The following PPARG variants were observed in gnomAD, a reference collection of about 807,000 sequenced individuals.
The protein encoded by PPARG is peroxisome proliferator-activated receptor gamma.
In PPARG, 17 loss-of-function variants were observed where a neutral mutation model predicts 39.2. The observed-to-expected ratio is 0.43, with a 90% CI of 0.30 to 0.65. The LOEUF is 0.65. PPARG is among the 30% of genes least tolerant of loss of function. PPARG has a pLI of 0.13. For missense variants in PPARG, 406 were observed against 585.9 expected, an observed-to-expected ratio of 0.69 and a Z score of 3.17; for synonymous variants, 223 against 215.7, an observed-to-expected ratio of 1.03 and a Z score of -0.30.
intron 2 of PPARG, among the ~76,000 whole-genome samples, chr3:12,322,215 G>A (rs909795175): frequency 6.6e-6 from 1 of 152,186 alleles, no homozygotes; most frequent in African/African-American, 2.4e-5. Flanking sequence ...TCACAGACTG[G>A]CTAGCGCTTT....
intron 2 of PPARG, among the ~76,000 whole-genome samples, chr3:12,312,928 G>A (rs1232412873): frequency 6.6e-6 from 1 of 152,082 alleles, no homozygotes; most frequent in Non-Finnish European, 1.5e-5. Flanking sequence ...AGTTATACCC[G>A]GCATTAAAAC....
intron 7 of PPARG, among the ~76,000 whole-genome samples, chr3:12,432,945 G>A (rs2051710397): frequency 6.6e-6 from 1 of 151,894 alleles, no homozygotes; most frequent in Non-Finnish European, 1.5e-5. Flanking sequence ...CTGCTTAAAA[G>A]TAATTTAAGT....
chr3:12,327,341 C>T (rs2047723617), intron 2 of PPARG, among the ~76,000 whole-genome samples: 1 of 152,168 alleles, frequency 6.6e-6, no homozygotes, highest in South Asian at 2.1e-4. Flanking sequence ...AATGAGGTTG[C>T]CAACAAGCAT....
rs184457641 is a variant in PPARG, at chr3:12,425,084, G to C, written c.1180+7930G>C. Among the ~76,000 whole-genome samples, 64 of 152,266 alleles carry C rather than the reference G, an allele frequency of 4.2e-4. 1 individual carries two copies. Among genetic ancestry groups the C allele is most frequent in the Non-Finnish European group, 1.5e-4 (10 of 68,022 alleles). ...TACCCCTAGGGGATATCAGCTAATC[G>C]CTTTATCAACTATCGCTTTAAGGGG... On this transcript the variant is annotated intron_variant, in intron 7 of 7. Coordinates refer to ENST00000651735, the MANE Select transcript of PPARG (RefSeq NM_138711.6).
intron 7 of PPARG, among the ~76,000 whole-genome samples, chr3:12,430,888 A>C (rs1283805215): frequency 6.6e-6 from 1 of 152,220 alleles, no homozygotes; most frequent in Non-Finnish European, 1.5e-5. Flanking sequence ...CTGACAGAAC[A>C]TAGGGTGTTT....
chr3:12,413,653 TAAA>T (rs890126070), intron 6 of PPARG, among the ~76,000 whole-genome samples: 1 of 150,586 alleles, frequency 6.6e-6, no homozygotes, highest in East Asian at 2.0e-4. Context: ...TACTAAAAAA[TAAA>T]AAAATTTAAA....
At chr3:12,414,481 AAAAG>A (rs1169793736) in intron 6 of PPARG, among the ~76,000 whole-genome samples, 3 of 152,298 alleles carry the variant, frequency 2.0e-5, no homozygotes, top group South Asian at 2.1e-4. Flanking sequence ...TTTTTTTAGA[AAAAG>A]AAAGTAAATA....
intron 2 of PPARG, among the ~76,000 whole-genome samples, chr3:12,362,259 G>A (rs1410305604): frequency 6.6e-6 from 1 of 152,106 alleles, no homozygotes; most frequent in Non-Finnish European, 1.5e-5. Context: ...GCTCATGCCT[G>A]TAATCCCAGA....
chr3:12,371,342 A>ATT (rs1203521875), intron 2 of PPARG, among the ~76,000 whole-genome samples: 1 of 152,240 alleles, frequency 6.6e-6, no homozygotes, highest in African/African-American at 2.4e-5. Flanking sequence ...CAAACGGCAC[A>ATT]AAGCAAGCAA....
intron 2 of PPARG, among the ~76,000 whole-genome samples, chr3:12,360,751 CTA>C (rs1334411947): frequency 2.1e-4 from 32 of 152,272 alleles, no homozygotes; most frequent in Non-Finnish European, 3.4e-4. Context: ...ATTAATCACA[CTA>C]TTGAATGTAA....
intron 7 of PPARG, among the ~76,000 whole-genome samples, chr3:12,424,823 G>A (rs2051382446): frequency 6.6e-6 from 1 of 152,150 alleles, no homozygotes; most frequent in Non-Finnish European, 1.5e-5. Flanking sequence ...ATGTGTGCTT[G>A]CGGCAATTAT....
chr3:12,294,542 G>C lies in PPARG; in HGVS notation c.-83+5408G>C, dbSNP rs184665960. On this transcript the variant is annotated intron_variant, in intron 1 of 7. Coordinates refer to ENST00000651735, the MANE Select transcript of PPARG (RefSeq NM_138711.6). ...GAACTTTTCAATCACTTCAGAAAAT[G>C]ATGTGCCAAGGTAGTATAAATAATG... Among the ~76,000 whole-genome samples, 466 of 152,282 alleles carry C rather than the reference G, an allele frequency of 3.1e-3. 2 individuals carry two copies. The highest frequency in any genetic ancestry group is 0.011 in the African/African-American group (453 of 41,548).
chr3:12,399,837 A>AAC (rs1553646786), intron 5 of PPARG, among the ~76,000 whole-genome samples: 2 of 150,002 alleles, frequency 1.3e-5, no homozygotes, highest in African/African-American at 4.9e-5. Context: ...AAAAAAAAAA[A>AAC]AAATTAGCTG....
chr3:12,399,837 A>AC (rs1339604873), intron 5 of PPARG, among the ~76,000 whole-genome samples: 1,759 of 150,088 alleles, frequency 0.012, 48 homozygotes, highest in African/African-American at 0.041. Flanking sequence ...AAAAAAAAAA[A>AC]AAATTAGCTG....
chr3:12,384,293 G>T (rs2049794557), intron 4 of PPARG, among the ~76,000 whole-genome samples: 3 of 151,938 alleles, frequency 2.0e-5, no homozygotes, highest in African/African-American at 7.3e-5. Context: ...TATACTGATT[G>T]CACAGAATAA....
intron 2 of PPARG, chr3:12,328,359 C>T: frequency 1.4e-6 from 1 of 709,122 alleles, no homozygotes; most frequent in South Asian, 1.6e-5. Context: ...AACAGCTTCT[C>T]CTCTGCCCTG....
intron 2 of PPARG, among the ~76,000 whole-genome samples, chr3:12,376,911 C>G (rs1194465425): frequency 2.0e-5 from 3 of 152,138 alleles, no homozygotes; most frequent in Non-Finnish European, 4.4e-5. Context: ...AGTTTATGAG[C>G]AGCTCATCTC....
intron 7 of PPARG, among the ~76,000 whole-genome samples, chr3:12,426,601 A>C (rs2051457251): frequency 6.6e-6 from 1 of 152,192 alleles, no homozygotes; most frequent in Non-Finnish European, 1.5e-5. Flanking sequence ...TAATTGAGGA[A>C]GAAAGAATAG....
chr3:12,416,200 G>A (rs1425665352), intron 6 of PPARG, among the ~76,000 whole-genome samples: 2 of 152,168 alleles, frequency 1.3e-5, no homozygotes, highest in Admixed American at 6.5e-5. Flanking sequence ...CCAACATGGT[G>A]AAACCCCATC....
Sources: allele counts gnomAD v4.1 joint callset (sites outside exome capture counted in the v4.1 genomes callset), GRCh38; gene constraint gnomAD v4.1.1; transcripts MANE v1.5; gene names NCBI Gene and HGNC (gene_info 2026-07-23, HGNC 2026-07-21).